The following MED12L variants were observed in gnomAD, a reference collection of about 807,000 sequenced individuals.
MED12L encodes the protein mediator complex subunit 12L.
A neutral mutation model predicts 281.3 loss-of-function variants in MED12L; 60 were observed. The observed-to-expected ratio is 0.21, with a 90% confidence interval of 0.17 to 0.26. MED12L has a LOEUF of 0.26. Ranked by LOEUF, MED12L falls within the 10% of genes least tolerant of loss-of-function variation. MED12L has a pLI of 1.00. For synonymous variants in MED12L, 974 were observed against 987.2 expected (o/e 0.99, Z 0.25); for missense variants, 2,146 against 2,680.9 (o/e 0.80, Z 4.41).
chr3:151,152,085 G>GTTTTTTTTTTTTTTTTTTTTTTTTT (rs141353889), intron 5 of MED12L, among the ~76,000 whole-genome samples: 1 of 62,984 alleles, frequency 1.6e-5, no homozygotes. Flanking sequence ...GTTGAAGGTG[G>GTTTTTTTTTTTTTTTTTTTTTTTTT]TTTTTTTTTT....
At position 151,171,505 on chromosome 3, in the gene MED12L, C is replaced by T. The variant is rs544849555; in HGVS notation, c.1494+5523C>T. ...ATCCTGAGTAATGAAAAGATGGAAC[C>T]GGCTGCACTGGACAGAGTGTTCCTG... On this transcript the variant is annotated intron_variant, in intron 11 of 44. Transcript: ENST00000687756. 1.4e-4 allele frequency among the ~76,000 whole-genome samples: 22 copies of T among 152,280 alleles called. No homozygotes were observed. The South Asian group carries it at 4.1e-3, about 29-fold the overall frequency.
intron 16 of MED12L, among the ~76,000 whole-genome samples, chr3:151,195,203 T>G (rs1029310776): frequency 6.6e-6 from 1 of 152,208 alleles, no homozygotes; most frequent in African/African-American, 2.4e-5. Flanking sequence ...CGTTACTTTC[T>G]GGGTATCTTC....
intron 14 of MED12L, 61 bp downstream of exon 14, chr3:151,190,992 T>C: frequency 1.4e-6 from 2 of 1,441,752 alleles, no homozygotes; most frequent in Non-Finnish European, 1.9e-6. Flanking sequence ...GGAACCATGT[T>C]CAAATGGGTC....
At chr3:151,166,010 A>G (rs558429328) in intron 11 of MED12L, 28 bp downstream of exon 11, 62 of 1,570,204 alleles carry the variant, frequency 3.9e-5, no homozygotes, top group Admixed American at 1.7e-4. Flanking sequence ...AATTCTTTTC[A>G]CCTTTTATTT....
At chr3:151,404,751 A>G (rs1350974765) in intron 39 of MED12L, among the ~76,000 whole-genome samples, 7 of 152,212 alleles carry the variant, frequency 4.6e-5, no homozygotes, top group South Asian at 4.1e-4. Flanking sequence ...ACCCTTAAAC[A>G]CTACTGAAAA....
intron 16 of MED12L, chr3:151,213,694 G>A: frequency 6.2e-7 from 1 of 1,614,174 alleles, no homozygotes; most frequent in South Asian, 1.1e-5. Flanking sequence ...CTTTGTGATA[G>A]CAGTATAGAA....
intron 27 of MED12L, among the ~76,000 whole-genome samples, chr3:151,373,830 C>G (rs779429747): frequency 7.9e-4 from 120 of 152,240 alleles, no homozygotes; most frequent in Admixed American, 1.3e-3. Context: ...CTGGAATCAA[C>G]TATTCCTCCA....
At chr3:151,168,426 C>T (rs1720989490) in intron 11 of MED12L, among the ~76,000 whole-genome samples, 1 of 152,172 alleles carries the variant, frequency 6.6e-6, no homozygotes, top group African/African-American at 2.4e-5. Flanking sequence ...GAAGCTTCCC[C>T]TACCTGAGTG....
chr3:151,272,601 A>G (rs748420758), intron 16 of MED12L, among the ~76,000 whole-genome samples: 15 of 152,180 alleles, frequency 9.9e-5, no homozygotes, highest in Non-Finnish European at 1.8e-4. Flanking sequence ...TACTCGGGAA[A>G]GGTTGTTTGT....
intron 16 of MED12L, among the ~76,000 whole-genome samples, chr3:151,330,810 T>G (rs746636289): frequency 2.6e-5 from 4 of 152,204 alleles, no homozygotes; most frequent in Non-Finnish European, 5.9e-5. Context: ...CTTGGGAGTA[T>G]AGATTCAAGA....
chr3:151,368,483 T>TA (rs1755559356), intron 25 of MED12L, among the ~76,000 whole-genome samples: 1 of 152,096 alleles, frequency 6.6e-6, no homozygotes, highest in South Asian at 2.1e-4. Flanking sequence ...GCAATAAAAA[T>TA]ACCTCTGCTC....
At chr3:151,111,660 C>T (rs1711914070) in intron 2 of MED12L, among the ~76,000 whole-genome samples, 1 of 152,164 alleles carries the variant, frequency 6.6e-6, no homozygotes, top group Non-Finnish European at 1.5e-5. Context: ...TTAGAGCATC[C>T]CCATTGTTGT....
At position 151,245,093 on chromosome 3, in the gene MED12L, C is replaced by A. The variant is rs542676369; in HGVS notation, c.2250+51427C>A. On this transcript the variant is annotated intron_variant, in intron 16 of 44. Transcript: ENST00000687756. ...GGAAGAAGTTGAATCTCTGAATAGA[C>A]CAATAACAGCATCTGAAATTGTGGC... Among the ~76,000 whole-genome samples, 4 of 152,282 alleles carry A rather than the reference C, an allele frequency of 2.6e-5. No homozygotes were observed. In the South Asian group the frequency reaches 6.2e-4, roughly 24 times the overall value.
At chr3:151,162,884 C>T (rs535514198) in intron 8 of MED12L, among the ~76,000 whole-genome samples, 11 of 152,134 alleles carry the variant, frequency 7.2e-5, no homozygotes, top group Non-Finnish European at 1.6e-4. Context: ...GACCTTGAGC[C>T]TCTGTTTCCC....
chr3:151,094,024 TGAG>T (rs759794170), intron 2 of MED12L, among the ~76,000 whole-genome samples: 14 of 152,246 alleles, frequency 9.2e-5, no homozygotes, highest in Non-Finnish European at 2.1e-4. Flanking sequence ...TAGGAGAGGA[TGAG>T]GATGCACAGA....
rs12635196 is a variant in MED12L, at chr3:151,433,180, T to A, written c.*376T>A. 6.8e-6 allele frequency: 1 copy of A among 148,042 alleles called. No individual in the cohort carries two copies. The highest frequency in any genetic ancestry group is 1.4e-5 in the Non-Finnish European group (1 of 69,416). 9.2% of individuals were successfully genotyped at this position (148,042 alleles called of 1,614,324 possible). On this transcript the variant is annotated 3_prime_UTR_variant, in exon 45 of 45. Coordinates refer to ENST00000687756, the MANE Select transcript of MED12L (RefSeq NM_001393769.1). ...TTCATTCATTAATGATGACGTTGTTTTTTTTTTTTTAATTTTATTTTCCAA... is the reference window on the plus strand; with the variant it reads ...TTCATTCATTAATGATGACGTTGTTATTTTTTTTTTAATTTTATTTTCCAA...
chr3:151,268,060 C>T (rs1240182077), intron 16 of MED12L, among the ~76,000 whole-genome samples: 1 of 152,146 alleles, frequency 6.6e-6, no homozygotes, highest in East Asian at 1.9e-4. Context: ...GCTGGAAATG[C>T]TCTGTTTTAA....
At chr3:151,158,864 T>A in intron 7 of MED12L, 65 bp downstream of exon 7, 1 of 1,068,750 alleles carries the variant, frequency 9.4e-7, no homozygotes, top group Non-Finnish European at 1.4e-6. Flanking sequence ...ATAAGAATGA[T>A]TAGGTAAGTG....
Position 151,343,624 on chromosome 3 carries a change from C to T in MED12L, c.2251-6435C>T, listed in dbSNP as rs1226076645. Among the ~76,000 whole-genome samples the T allele has an allele frequency of 5.2e-5, 6 of 115,384 alleles. 1 individual carries two copies. Among genetic ancestry groups the T allele is most frequent in the Non-Finnish European group, 1.1e-4 (5 of 46,894 alleles). 75.7% of individuals were successfully genotyped at this position (115,384 alleles called of 152,430 possible). ...ACTTTAATCTCTCATTAGTAAATAA[C>T]ATCAACACATACAGTTTGTAGTTAT... On this transcript the variant is annotated intron_variant, in intron 16 of 44. Transcript: ENST00000687756.
Sources: allele counts gnomAD v4.1 joint callset (sites outside exome capture counted in the v4.1 genomes callset), GRCh38; gene constraint gnomAD v4.1.1; transcripts MANE v1.5; gene names NCBI Gene and HGNC (gene_info 2026-07-23, HGNC 2026-07-21).